OTUD7B: variants seen among roughly 807,000 people sequenced by gnomAD.
OTUD7B encodes OTU domain-containing protein 7B.
A neutral mutation model predicts 82.2 loss-of-function variants in OTUD7B; 34 were observed. That is an observed-to-expected ratio of 0.41 (90% CI 0.31 to 0.55). The LOEUF (loss-of-function observed/expected upper bound fraction) is 0.55, where lower values mean the gene tolerates loss of function less well. Among genes scored for constraint, OTUD7B ranks in the 20% least tolerant of loss-of-function variants. OTUD7B has a pLI of 0.20. For missense variants in OTUD7B, 944 were observed against 1,062.1 expected (o/e 0.89, Z 1.55); for synonymous variants, 398 against 402.7 (o/e 0.99, Z 0.14).
At chr1:150,052,968 G>T in the OTUD7B span, among the ~76,000 whole-genome samples, 1 of 152,164 alleles carries the variant, frequency 6.6e-6, no homozygotes, top group Non-Finnish European at 1.5e-5. Flanking sequence ...ATGGTGCTGG[G>T]ATAACTGGCT....
At chr1:150,012,251 C>T (rs1408086094), upstream of OTUD7B, among the ~76,000 whole-genome samples, 4 of 152,060 alleles carry the variant, frequency 2.6e-5, no homozygotes, top group Non-Finnish European at 1.5e-5. Context: ...CGGGGGTGGA[C>T]GCTTGGGACT....
intron 9 of OTUD7B, 114 bp from the exon 10 acceptor site, chr1:149,949,197 T>G: frequency 1.5e-6 from 1 of 665,824 alleles, no homozygotes; most frequent in Admixed American, 2.6e-5. Flanking sequence ...CACTTCTCAA[T>G]TCTTACACGT....
At chr1:149,953,112 A>G (rs1648388955) in intron 7 of OTUD7B, among the ~76,000 whole-genome samples, 1 of 152,136 alleles carries the variant, frequency 6.6e-6, no homozygotes, top group African/African-American at 2.4e-5. Context: ...TTAGTCATGA[A>G]GTCCTTGCCC....
the OTUD7B span, among the ~76,000 whole-genome samples, chr1:150,066,078 T>C: frequency 3.9e-5 from 6 of 152,224 alleles, no homozygotes; most frequent in Admixed American, 2.0e-4. The surrounding 1 kb of genome is among the most constrained non-coding windows in gnomAD (Gnocchi z 4.6). Flanking sequence ...GACAAGTCTT[T>C]ATCTCCTTCT....
the OTUD7B span, among the ~76,000 whole-genome samples, chr1:150,063,998 T>TAG: frequency 2.2e-4 from 34 of 152,358 alleles, no homozygotes; most frequent in African/African-American, 7.9e-4. Flanking sequence ...AGATCAAGTC[T>TAG]TAATGGAAAT....
chr1:149,965,746 A>G (rs962081639), intron 5 of OTUD7B, 31 bp downstream of exon 5: 1 of 1,466,576 alleles, frequency 6.8e-7, no homozygotes, highest in South Asian at 1.1e-5. Context: ...TCCTTTCTGC[A>G]GGTGAATGGA....
At chr1:150,006,176 G>A (rs587773719) in intron 1 of OTUD7B, among the ~76,000 whole-genome samples, 7 of 152,090 alleles carry the variant, frequency 4.6e-5, no homozygotes, top group East Asian at 3.9e-4. Context: ...ATGTATTTTC[G>A]GCCCGGCACA....
chr1:150,033,354 C>T, the OTUD7B span, among the ~76,000 whole-genome samples: 1 of 152,044 alleles, frequency 6.6e-6, no homozygotes, highest in African/African-American at 2.4e-5. Context: ...CTTTTGAGGA[C>T]AAAATATTCT....
At chr1:150,009,627 A>C (rs1217772712) in intron 1 of OTUD7B, among the ~76,000 whole-genome samples, 2 of 152,230 alleles carry the variant, frequency 1.3e-5, no homozygotes, top group African/African-American at 4.8e-5. Context: ...TCAAATTTTT[A>C]CATCTTTATT....
chr1:150,030,236 T>C, the OTUD7B span, among the ~76,000 whole-genome samples: 3 of 152,216 alleles, frequency 2.0e-5, no homozygotes, highest in African/African-American at 7.2e-5. Context: ...AATCTCCCAG[T>C]TCACTTAGAA....
At chr1:150,010,066 A>T (rs1652934181) in intron 1 of OTUD7B, among the ~76,000 whole-genome samples, 1 of 152,112 alleles carries the variant, frequency 6.6e-6, no homozygotes, top group South Asian at 2.1e-4. Context: ...TATTATATTG[A>T]GATTTTAAAT....
intron 1 of OTUD7B, among the ~76,000 whole-genome samples, chr1:150,004,108 T>G (rs1652490396): frequency 6.6e-6 from 1 of 151,524 alleles, no homozygotes; most frequent in Non-Finnish European, 1.5e-5. Flanking sequence ...CTTCACAGTC[T>G]CTTTTTCACT....
the OTUD7B span, among the ~76,000 whole-genome samples, chr1:150,055,949 C>T: frequency 6.6e-6 from 1 of 152,020 alleles, no homozygotes; most frequent in African/African-American, 2.4e-5. Flanking sequence ...GTTTAGTACC[C>T]AGGTGGCTAA....
At chr1:150,044,903 G>GA in the OTUD7B span, among the ~76,000 whole-genome samples, 3 of 184 alleles carry the variant, frequency 0.016, no homozygotes. Flanking sequence ...AAATTGGCAG[G>GA]GGAAAAAAAG....
chr1:149,948,667 G>C (rs987653500), intron 10 of OTUD7B, among the ~76,000 whole-genome samples: 1 of 152,260 alleles, frequency 6.6e-6, no homozygotes, highest in Admixed American at 6.5e-5. Flanking sequence ...ACCATGCCCG[G>C]CCTGATTATC....
Position 149,969,116 on chromosome 1 carries a change from G to A in OTUD7B, c.275-1595C>T, listed in dbSNP as rs1393405245. ...AGGTAGAAGGATCACTTGAGCCCAG[G>A]AATTCGAGACCACCTGGGCAACAGA... is the stretch of plus-strand genomic sequence containing the variant. On this transcript the variant is annotated intron_variant, in intron 3 of 11. Coordinates refer to ENST00000581312, the MANE Select transcript of OTUD7B (RefSeq NM_020205.4). Among the ~76,000 whole-genome samples, 3 of 152,138 alleles carry A rather than the reference G, an allele frequency of 2.0e-5. No homozygotes were observed. In the East Asian group the frequency reaches 5.8e-4, roughly 30 times the overall value.
intron 2 of OTUD7B, among the ~76,000 whole-genome samples, chr1:149,973,859 T>TG (rs1650101435): frequency 1.0e-3 from 1 of 970 alleles, no homozygotes; most frequent in Non-Finnish European, 0.017. Flanking sequence ...CCCCTTCTAA[T>TG]TTTTTTTTTT....
At position 149,943,523 on chromosome 1, in the gene OTUD7B, C is replaced by A; in HGVS notation, c.*334G>T. The A allele has an allele frequency of 3.9e-6, 1 of 256,980 alleles. No individual in the cohort carries two copies. 15.9% of individuals were successfully genotyped at this position (256,980 alleles called of 1,614,324 possible). A position where few individuals can be genotyped will look rare whatever the true frequency, so the allele number is the denominator to read the frequency against. On this transcript the variant is annotated 3_prime_UTR_variant, in exon 12 of 12. Coordinates refer to ENST00000581312, the MANE Select transcript of OTUD7B (RefSeq NM_020205.4). ...CAAGACTTCTGCCCACCTCCCACCC[C>A]CACACACCAAACCTTCCCCTGCTAC...
chr1:149,964,007 C>T (rs1415917598), intron 6 of OTUD7B: 2 of 488,958 alleles, frequency 4.1e-6, no homozygotes, highest in Non-Finnish European at 7.3e-6. Flanking sequence ...GTTAGATAAC[C>T]TCTCTGTAGG....
Sources: gnomAD v4.1 joint callset for allele counts (sites outside exome capture counted in the v4.1 genomes callset) on GRCh38, gnomAD v4.1.1 for gene constraint, Gnocchi (gnomAD v3.1) non-coding constraint, MANE v1.5 for transcripts, NCBI Gene and HGNC (gene_info 2026-07-23, HGNC 2026-07-21) for gene names.